The following PPP1R21 variants were observed in gnomAD, a reference collection of about 807,000 sequenced individuals.
PPP1R21 encodes the protein protein phosphatase 1 regulatory subunit 21, also known as KLRAQ motif containing 1.
Under a neutral mutation model 112.8 loss-of-function variants are expected in PPP1R21, and 85 were observed. The ratio of observed to expected loss-of-function variants is 0.75; its 90% confidence interval spans 0.63 to 0.90. The LOEUF is 0.90. PPP1R21 is among the 40% of genes least tolerant of loss of function. The pLI is 0.00. For synonymous variants in PPP1R21, 381 were observed against 322.3 expected, an observed-to-expected ratio of 1.18 and a Z score of -1.95; for missense variants, 1,199 against 901.5, an observed-to-expected ratio of 1.33 and a Z score of -4.23.
At chr2:48,454,766 G>T in intron 3 of PPP1R21, 25 bp downstream of exon 3, 1 of 1,589,476 alleles carries the variant, frequency 6.3e-7, no homozygotes, top group East Asian at 2.2e-5. Flanking sequence ...AGGCAAGTTA[G>T]TGTGACCTTG....
intron 3 of PPP1R21, among the ~76,000 whole-genome samples, chr2:48,455,652 A>T (rs886193033): frequency 5.9e-5 from 9 of 152,182 alleles, no homozygotes; most frequent in African/African-American, 1.9e-4. Flanking sequence ...TCTTTTGGTT[A>T]TACCAGGTTG....
intron 15 of PPP1R21, among the ~76,000 whole-genome samples, chr2:48,494,058 CA>C (rs70943344): frequency 0.24 from 14,936 of 63,026 alleles, 733 homozygotes; most frequent in South Asian, 0.43. Context: ...CTCGTCTCTC[CA>C]AAAAAAAAAA....
chr2:48,471,745 C>T (rs952760525), intron 11 of PPP1R21, among the ~76,000 whole-genome samples: 3 of 152,032 alleles, frequency 2.0e-5, no homozygotes, highest in African/African-American at 7.2e-5. Context: ...AACTAAAAAC[C>T]TTATCTACTC....
At chr2:48,455,035 A>G (rs1667657632) in intron 3 of PPP1R21, among the ~76,000 whole-genome samples, 1 of 151,736 alleles carries the variant, frequency 6.6e-6, no homozygotes, top group African/African-American at 2.4e-5. Flanking sequence ...ATGGGGTCTC[A>G]CTATGTTGCC....
chr2:48,464,441 G>C (rs935347824), intron 7 of PPP1R21, among the ~76,000 whole-genome samples: 1 of 152,176 alleles, frequency 6.6e-6, no homozygotes, highest in African/African-American at 2.4e-5. Flanking sequence ...GACCAGGGTA[G>C]AGAGGAAGAC....
chr2:48,446,310 T>C (rs1667245289), intron 1 of PPP1R21, among the ~76,000 whole-genome samples: 1 of 152,196 alleles, frequency 6.6e-6, no homozygotes, highest in Non-Finnish European at 1.5e-5. Context: ...GAAGTCATAG[T>C]GAGCTTACCA....
chr2:48,514,481 T>C (rs1478597480), intron 21 of PPP1R21, among the ~76,000 whole-genome samples: 1 of 152,210 alleles, frequency 6.6e-6, no homozygotes, highest in Non-Finnish European at 1.5e-5. Flanking sequence ...CTTTATTTCC[T>C]GTCCTCAGCC....
In PPP1R21 at chr2:48,495,927, T is replaced by G. The variant is rs114906675; in HGVS notation, c.1692+156T>G. The G allele has an allele frequency of 6.1e-3, 3,331 of 548,358 alleles. 93 individuals carry two copies. The highest frequency in any genetic ancestry group is 0.057 in the African/African-American group (2,983 of 52,668). The allele number at this position is 548,358 out of a possible 1,614,324, so 34.0% of individuals were successfully genotyped here. On this transcript the variant is annotated intron_variant, in intron 16 of 21. Coordinates refer to ENST00000294952, the MANE Select transcript of PPP1R21 (RefSeq NM_001135629.3). The stretch of plus-strand genomic sequence containing the variant: ...CATACTAAAAAGCAAATAGACATAA[T>G]TTGTTGAAAAACATGTGTTGACACT...
intron 12 of PPP1R21, among the ~76,000 whole-genome samples, chr2:48,475,574 G>A (rs182046171): frequency 4.6e-5 from 7 of 151,950 alleles, no homozygotes; most frequent in Admixed American, 1.3e-4. Flanking sequence ...AGGGCCGGGC[G>A]CGGTGGCTCA....
chr2:48,484,112 A>G (rs1405570403), intron 13 of PPP1R21, among the ~76,000 whole-genome samples: 1 of 152,214 alleles, frequency 6.6e-6, no homozygotes, highest in East Asian at 1.9e-4. Context: ...CTTTCAGAAC[A>G]CGCATACTTT....
At chr2:48,500,444 A>G (rs1004155372) in intron 17 of PPP1R21, among the ~76,000 whole-genome samples, 2 of 152,150 alleles carry the variant, frequency 1.3e-5, no homozygotes, top group Admixed American at 6.6e-5. Flanking sequence ...AATAAAATAT[A>G]GAAGAGAAAA....
At chr2:48,498,803 A>T (rs1427502246) in intron 17 of PPP1R21, 68 bp downstream of exon 17, 1 of 1,487,392 alleles carries the variant, frequency 6.7e-7, no homozygotes, top group Admixed American at 1.8e-5. Context: ...CTAATGTTCA[A>T]CATTAACCAT....
rs950160401 is a variant in PPP1R21, at chr2:48,498,795, A to G, written c.1935+60A>G. The stretch of plus-strand genomic sequence containing the variant: ...TTTAAATGCTAATTGGTAAGTATCT[A>G]ATGTTCAACATTAACCATTGTCTTA... On this transcript the variant is annotated intron_variant, in intron 17 of 21. Coordinates refer to ENST00000294952, the MANE Select transcript of PPP1R21 (RefSeq NM_001135629.3). The G allele has an allele frequency of 3.3e-6, 5 of 1,527,356 alleles. No individual in the cohort carries two copies. In the South Asian group the frequency reaches 4.6e-5, roughly 14 times the overall value. 94.6% of individuals were successfully genotyped at this position (1,527,356 alleles called of 1,614,324 possible). A position where few individuals can be genotyped will look rare whatever the true frequency, so the allele number is the denominator to read the frequency against.
chr2:48,445,647 C>T (rs1314070887), intron 1 of PPP1R21, among the ~76,000 whole-genome samples: 1 of 152,136 alleles, frequency 6.6e-6, no homozygotes, highest in Non-Finnish European at 1.5e-5. Flanking sequence ...TTTACTCACC[C>T]ATTCACCTAG....
Position 48,514,892 on chromosome 2 carries a change from T to A in PPP1R21, c.*148T>A. The A allele has an allele frequency of 1.5e-6, 1 of 689,134 alleles. No homozygotes were observed. 42.7% of individuals were successfully genotyped at this position (689,134 alleles called of 1,614,324 possible). A position where few individuals can be genotyped will look rare whatever the true frequency, so the allele number is the denominator to read the frequency against. Reference sequence around the variant, plus strand: ...AACTAGTCAGTGTTGGAAACGGCCTTGAAATATTTAAAACATATTTGTAAC... The same window carrying A: ...AACTAGTCAGTGTTGGAAACGGCCTAGAAATATTTAAAACATATTTGTAAC... On this transcript the variant is annotated 3_prime_UTR_variant, in exon 22 of 22. Transcript: ENST00000294952.
chr2:48,442,458 A>C (rs1213778832), intron 1 of PPP1R21, among the ~76,000 whole-genome samples: 1 of 152,180 alleles, frequency 6.6e-6, no homozygotes, highest in African/African-American at 2.4e-5. Flanking sequence ...TAGCCTCCCA[A>C]AGTAATAAAA....
intron 19 of PPP1R21, among the ~76,000 whole-genome samples, chr2:48,509,333 G>A (rs1014252675): frequency 1.3e-5 from 2 of 151,706 alleles, no homozygotes; most frequent in Non-Finnish European, 2.9e-5. Context: ...GTGGTCAGAA[G>A]CTCCTGATAA....
chr2:48,447,109 A>G (rs946859444), intron 1 of PPP1R21, among the ~76,000 whole-genome samples: 3 of 152,222 alleles, frequency 2.0e-5, no homozygotes, highest in Non-Finnish European at 4.4e-5. Flanking sequence ...AAGCAAAATT[A>G]AAACTGAATA....
At position 48,486,705 on chromosome 2, in the gene PPP1R21, A is replaced by G. The variant is rs1669317168; in HGVS notation, c.1393A>G (p.Thr465Ala). ...LPTATQKLIT[T>A]NDCILSSVVA... is the part of the protein sequence containing the mutation. ...AACAGCAACACAGAAGCTGATAACA[A>G]CTAATGACTGTATCCTGTCATCAGT... The change falls in exon 14 of 22, where the codon ACT (threonine) becomes GCT (alanine). Residue 465 changes from threonine to alanine, a missense_variant. Coordinates refer to ENST00000294952, the MANE Select transcript of PPP1R21 (RefSeq NM_001135629.3). 1 of 1,614,058 alleles carries G rather than the reference A, an allele frequency of 6.2e-7. No individual in the cohort carries two copies. Among genetic ancestry groups the G allele is most frequent in the Non-Finnish European group, 8.5e-7 (1 of 1,179,942 alleles).
Sources: gnomAD v4.1 joint callset for allele counts (sites outside exome capture counted in the v4.1 genomes callset) on GRCh38, gnomAD v4.1.1 for gene constraint, MANE v1.5 for transcripts, NCBI Gene and HGNC (gene_info 2026-07-23, HGNC 2026-07-21) for gene names.